Variants in TUSC3 observed in about 807,000 individuals in gnomAD.
TUSC3 encodes the protein dolichyl-diphosphooligosaccharide--protein glycosyltransferase subunit TUSC3.
Under a neutral mutation model 44.8 loss-of-function variants are expected in TUSC3, and 45 were observed. The observed-to-expected ratio is 1.00, with a 90% CI of 0.79 to 1.29. The LOEUF (loss-of-function observed/expected upper bound fraction) is 1.29. Among genes scored for constraint, TUSC3 ranks in the 50% most tolerant of loss-of-function variants. TUSC3 has a pLI of 0.00. For missense variants in TUSC3, 519 were observed against 437.9 expected (o/e 1.19, Z -1.65); for synonymous variants, 212 against 152.9 (o/e 1.39, Z -2.85).
the TUSC3 span, among the ~76,000 whole-genome samples, chr8:15,774,907 C>T: frequency 6.6e-6 from 1 of 151,986 alleles, no homozygotes; most frequent in African/African-American, 2.4e-5. Context: ...ACTTTGGAAA[C>T]AAATTAGTAG....
chr8:15,832,561 C>A, the TUSC3 span, among the ~76,000 whole-genome samples: 1,644 of 152,234 alleles, frequency 0.011, 38 homozygotes, highest in African/African-American at 0.037. Flanking sequence ...ATGACACCAA[C>A]AGGCTCAAAA....
At chr8:15,761,243 C>T (rs1225679486) in intron 10 of TUSC3, among the ~76,000 whole-genome samples, 2 of 152,138 alleles carry the variant, frequency 1.3e-5, no homozygotes, top group Non-Finnish European at 2.9e-5. Flanking sequence ...GCATTTTCAT[C>T]TAAATTGTGG....
rs1802223722 is a variant in TUSC3, at chr8:15,555,402, T to C, written c.138+14834T>C. On this transcript the variant is annotated intron_variant, in intron 1 of 10. Transcript: ENST00000503731. ...GCCTTGACCTCCTGGGCTCAAGTGA[T>C]CCTCCCACCTCAGCCTCCCCAGTAG... Among the ~76,000 whole-genome samples the C allele has an allele frequency of 1.4e-5, 2 of 145,712 alleles. 1 individual carries two copies. Among genetic ancestry groups the C allele is most frequent in the Admixed American group, 1.4e-4 (2 of 14,340 alleles).
intron 1 of TUSC3, among the ~76,000 whole-genome samples, chr8:15,551,786 ATG>A (rs1164843109): frequency 2.6e-4 from 39 of 151,916 alleles, no homozygotes; most frequent in Non-Finnish European, 3.1e-4. Flanking sequence ...TTAAAAAGGA[ATG>A]GGAGGGTACT....
At chr8:15,641,526 G>T (rs542062580) in intron 2 of TUSC3, among the ~76,000 whole-genome samples, 1 of 152,280 alleles carries the variant, frequency 6.6e-6, no homozygotes, top group South Asian at 2.1e-4. Flanking sequence ...AATGCAAATA[G>T]TCAATGAATT....
At chr8:15,722,634 A>G (rs1260243428) in intron 6 of TUSC3, among the ~76,000 whole-genome samples, 1 of 152,050 alleles carries the variant, frequency 6.6e-6, no homozygotes, top group East Asian at 1.9e-4. Context: ...TGCCTGATTC[A>G]CTTCATGTAT....
At chr8:15,515,522 A>G (rs983682434) in intron 2 of TUSC3, among the ~76,000 whole-genome samples, 1 of 152,136 alleles carries the variant, frequency 6.6e-6, no homozygotes, top group Non-Finnish European at 1.5e-5. Context: ...TCCTTGGTTC[A>G]TTAATAGGTA....
At chr8:15,713,588 G>A (rs547881384) in intron 6 of TUSC3, among the ~76,000 whole-genome samples, 38 of 152,214 alleles carry the variant, frequency 2.5e-4, no homozygotes, top group Middle Eastern at 6.8e-3. Context: ...ACACACATCC[G>A]AGACCCAGGA....
intron 6 of TUSC3, among the ~76,000 whole-genome samples, chr8:15,703,343 T>G (rs1271192965): frequency 3.3e-5 from 5 of 152,138 alleles, no homozygotes; most frequent in African/African-American, 9.7e-5. Flanking sequence ...TTTCCTTTTC[T>G]GAACCCTTCT....
At chr8:15,502,532 C>G (rs934368559) in intron 2 of TUSC3, among the ~76,000 whole-genome samples, 5 of 152,200 alleles carry the variant, frequency 3.3e-5, no homozygotes, top group African/African-American at 1.2e-4. Flanking sequence ...GCTCTGTCGC[C>G]TGGGCTGGAG....
intron 4 of TUSC3, among the ~76,000 whole-genome samples, chr8:15,661,729 A>C (rs1163087735): frequency 6.6e-6 from 1 of 152,128 alleles, no homozygotes; most frequent in East Asian, 1.9e-4. Flanking sequence ...GGATACCGTC[A>C]AAAAAGTAGC....
At chr8:15,536,766 G>T (rs1801529503), upstream of TUSC3, among the ~76,000 whole-genome samples, 1 of 143,384 alleles carries the variant, frequency 7.0e-6, no homozygotes, top group Admixed American at 7.2e-5. Flanking sequence ...CATTATGCCT[G>T]TATGGGAGGT....
chr8:15,817,898 G>A, the TUSC3 span, among the ~76,000 whole-genome samples: 1 of 152,102 alleles, frequency 6.6e-6, no homozygotes, highest in African/African-American at 2.4e-5. Context: ...CAAGATAAGA[G>A]GAAGAGAAAT....
chr8:15,620,957 C>G (rs974966213), intron 1 of TUSC3, among the ~76,000 whole-genome samples: 3 of 151,800 alleles, frequency 2.0e-5, no homozygotes, highest in East Asian at 3.9e-4. Flanking sequence ...TGTAGAAATT[C>G]AAAGAGTATT....
rs570014856 is a variant in TUSC3 at position 15,670,995 on chromosome 8, G to C, written c.709-2752G>C. ...GTGTGACACTATCATACCTCTGCCA[G>C]AAGATCCAGAATGAACACACAGAGG... On this transcript the variant is annotated intron_variant, in intron 5 of 10. Transcript: ENST00000503731. Among the ~76,000 whole-genome samples, 87 of 152,060 alleles carry C rather than the reference G, an allele frequency of 5.7e-4. 1 individual carries two copies. The South Asian group carries it at 6.2e-3, about 11-fold the overall frequency.
chr8:15,488,372 C>T (rs946400927), intron 2 of TUSC3, among the ~76,000 whole-genome samples: 2 of 151,836 alleles, frequency 1.3e-5, no homozygotes, highest in African/African-American at 2.4e-5. Context: ...TGTAGTGGCT[C>T]GCACCTGTAG....
intron 6 of TUSC3, among the ~76,000 whole-genome samples, chr8:15,703,697 G>T (rs1809498046): frequency 6.6e-6 from 1 of 152,092 alleles, no homozygotes; most frequent in Admixed American, 6.6e-5. Context: ...AGTGAGAGGA[G>T]TGACGTACCA....
chr8:15,520,043 G>A (rs932272727), intron 2 of TUSC3, among the ~76,000 whole-genome samples: 1 of 152,142 alleles, frequency 6.6e-6, no homozygotes, highest in Non-Finnish European at 1.5e-5. Context: ...CCCCCAGTGT[G>A]TACCTAATAA....
At chr8:15,569,049 G>A (rs375736356) in intron 1 of TUSC3, among the ~76,000 whole-genome samples, 2 of 151,846 alleles carry the variant, frequency 1.3e-5, no homozygotes, top group South Asian at 2.1e-4. Context: ...ATTATTGTGC[G>A]GCTTGTTATA....
Sources: allele counts gnomAD v4.1 joint callset (sites outside exome capture counted in the v4.1 genomes callset), GRCh38; gene constraint gnomAD v4.1.1; transcripts MANE v1.5; gene names NCBI Gene and HGNC (gene_info 2026-07-23, HGNC 2026-07-21).